PFKP: variants seen among roughly 807,000 people sequenced by gnomAD.
PFKP encodes the protein phosphofructokinase, platelet.
PFKP carries 101 observed loss-of-function variants against 94.3 expected under a neutral mutation model. The ratio of observed to expected loss-of-function variants is 1.07; its 90% CI spans 0.91 to 1.26. The LOEUF is 1.26. Ranked by LOEUF, PFKP falls within the 50% of genes most tolerant of loss-of-function variation. PFKP has a pLI of 0.00. For synonymous variants in PFKP, 573 were observed against 432.6 expected (o/e 1.32, Z -4.03); for missense variants, 1,145 against 1,103.3 (o/e 1.04, Z -0.53).
intron 15 of PFKP, 118 bp from the exon 16 acceptor site, chr10:3,119,774 G>A: frequency 2.0e-6 from 1 of 506,168 alleles, no homozygotes; most frequent in Non-Finnish European, 3.0e-6. Context: ...GTGTTTTCGT[G>A]ATGCCCCAGT....
Position 3,069,302 on chromosome 10 carries a change from A to G in PFKP, c.112+1595A>G, listed in dbSNP as rs1052024174. 24 of 1,533,082 alleles carry G rather than the reference A, an allele frequency of 1.6e-5. No individual in the cohort carries two copies. In the African/African-American group the frequency reaches 2.6e-4, roughly 17 times the overall value. The allele number at this position is 1,533,082 out of a possible 1,614,324, so 95.0% of individuals were successfully genotyped here. ...TGGGTTCTCAGAGAAAGAAAACGTG[A>G]TGCAGCAGAGGATGGGATTGAAGAA... On this transcript the variant is annotated intron_variant, in intron 1 of 21. Coordinates refer to ENST00000381125, the MANE Select transcript of PFKP (RefSeq NM_002627.5).
chr10:3,119,600 G>A (rs11251726), intron 15 of PFKP, among the ~76,000 whole-genome samples: 26,428 of 106,210 alleles, frequency 0.25, 2,417 homozygotes, highest in Admixed American at 0.31. Context: ...GCGAGACTCC[G>A]TCTCAAAAAA....
intron 2 of PFKP, among the ~76,000 whole-genome samples, chr10:3,091,895 C>T (rs1038583001): frequency 6.6e-6 from 1 of 152,160 alleles, no homozygotes; most frequent in Non-Finnish European, 1.5e-5. Flanking sequence ...TGTCATAGTC[C>T]ACACCCTAAA....
chr10:3,096,435 G>GGA (rs1834484927), intron 2 of PFKP, among the ~76,000 whole-genome samples: 1 of 152,184 alleles, frequency 6.6e-6, no homozygotes, highest in Admixed American at 6.5e-5. Flanking sequence ...TGGGAATGTA[G>GGA]GAACTGTCTG....
In PFKP at chr10:3,091,071, C is replaced by G. The variant is rs527302500; in HGVS notation, c.187-8204C>G. Reference sequence around the variant, plus strand: ...CATCGAGGGACCTCTGCTGTCTGGCCGCTGCTTGAGCTCCTATAAACCTGG... The same window carrying G: ...CATCGAGGGACCTCTGCTGTCTGGCGGCTGCTTGAGCTCCTATAAACCTGG... On this transcript the variant is annotated intron_variant, in intron 2 of 21. Coordinates refer to ENST00000381125, the MANE Select transcript of PFKP (RefSeq NM_002627.5). 1.7e-4 allele frequency among the ~76,000 whole-genome samples: 26 copies of G among 152,184 alleles called. No homozygotes were observed. The South Asian group carries it at 5.2e-3, about 30-fold the overall frequency.
At chr10:3,090,550 C>T (rs148089754) in intron 2 of PFKP, among the ~76,000 whole-genome samples, 4 of 152,258 alleles carry the variant, frequency 2.6e-5, no homozygotes, top group African/African-American at 9.6e-5. Context: ...ACTGAAGAGG[C>T]TCAGCCCCCT....
intron 15 of PFKP, among the ~76,000 whole-genome samples, chr10:3,119,108 C>T (rs2131635286): frequency 7.0e-6 from 1 of 142,854 alleles, no homozygotes; most frequent in Admixed American, 7.4e-5. Flanking sequence ...TTAACCCGGG[C>T]CTCATCTATT....
intron 16 of PFKP, among the ~76,000 whole-genome samples, chr10:3,121,789 A>ATTTCTT (rs796844840): frequency 0.011 from 704 of 61,760 alleles, 83 homozygotes; most frequent in Middle Eastern, 0.043. Context: ...AGGTTAAACA[A>ATTTCTT]TTTCTTTTTT....
At chr10:3,119,761 GGAGTGT>G in intron 15 of PFKP, 125 bp from the exon 16 acceptor site, 1 of 672,290 alleles carries the variant, frequency 1.5e-6, no homozygotes. Context: ...TGTTGATCTC[GGAGTGT>G]TTTCGTGATG....
chr10:3,076,556 AC>A (rs1832609338), intron 1 of PFKP, among the ~76,000 whole-genome samples: 1 of 147,500 alleles, frequency 6.8e-6, no homozygotes, highest in Non-Finnish European at 1.5e-5. Context: ...AACACCCCCC[AC>A]CCCGCTTGTT....
Position 3,132,417 on chromosome 10 carries a change from C to A in PFKP, c.1886C>A (p.Thr629Asn). 1.9e-6 allele frequency: 3 copies of A among 1,612,286 alleles called. No homozygotes were observed. The highest frequency in any genetic ancestry group is 1.3e-5 in the African/African-American group (1 of 75,012). Residue 629 changes from threonine (T) to asparagine (N), a missense_variant, in exon 18 of 22, where the codon ACC becomes AAC. Coordinates refer to ENST00000381125, the MANE Select transcript of PFKP (RefSeq NM_002627.5). Reference protein sequence around the residue: ...VEHLTEKMKTTIQRGLVLRNE... With the variant: ...VEHLTEKMKTNIQRGLVLRNE... ...CACCTGACGGAGAAAATGAAGACCA[C>A]CATCCAGAGAGGCCTTGTGCTCAGG...
chr10:3,093,017 T>C (rs1225195214), intron 2 of PFKP, among the ~76,000 whole-genome samples: 1 of 130,194 alleles, frequency 7.7e-6, no homozygotes. Context: ...GCTCCTGGGA[T>C]GTGTGGAAGG....
rs996752356 is a variant in PFKP at position 3,122,310 on chromosome 10, G to A, written c.1683+2266G>A. ...TCTAGTCTCGTGATGGGTGAGTGGC[G>A]CCGTCTGACCGAGGTCACCCTGGCG... is the stretch of plus-strand genomic sequence containing the variant. On this transcript the variant is annotated intron_variant, in intron 16 of 21. Transcript: ENST00000381125. Among the ~76,000 whole-genome samples the A allele has an allele frequency of 3.9e-5, 6 of 152,130 alleles. No homozygotes were observed. In the East Asian group the frequency reaches 7.7e-4, roughly 20 times the overall value.
chr10:3,081,666 C>G (rs888603200), intron 1 of PFKP, among the ~76,000 whole-genome samples: 1 of 152,168 alleles, frequency 6.6e-6, no homozygotes, highest in Non-Finnish European at 1.5e-5. Context: ...TTCAGCTCCC[C>G]CAAATCCAGC....
chr10:3,081,977 C>CTTTTTTTTTTTTTTTTT lies in PFKP; in HGVS notation c.113-395_113-379dup, dbSNP rs547880338. On this transcript the variant is annotated intron_variant, in intron 1 of 21. Coordinates refer to ENST00000381125, the MANE Select transcript of PFKP (RefSeq NM_002627.5). ...CTTGTTTTCTGTTGAAGCCCATTGC[C>CTTTTTTTTTTTTTTTTT]TTTTTTTTTTTTTTTTTTTTTTTTT... 1.0e-4 allele frequency among the ~76,000 whole-genome samples: 7 copies of CTTTTTTTTTTTTTTTTT among 68,440 alleles called. 1 individual carries two copies. The highest frequency in any genetic ancestry group is 1.9e-4 in the Admixed American group (1 of 5,212). 44.9% of individuals were successfully genotyped at this position (68,440 alleles called of 152,430 possible).
intron 1 of PFKP, 59 bp downstream of exon 1, chr10:3,067,766 G>GGAC (rs1487462522): frequency 5.6e-6 from 5 of 900,816 alleles, no homozygotes; most frequent in Non-Finnish European, 4.8e-6. Flanking sequence ...GGGGAGAACC[G>GGAC]GGCGAAGGCG....
At chr10:3,113,232 C>A (rs374357622) in intron 12 of PFKP, 44 bp downstream of exon 12, 70 of 1,576,104 alleles carry the variant, frequency 4.4e-5, no homozygotes, top group Non-Finnish European at 6.0e-5. Flanking sequence ...CTCCTGCGGG[C>A]CTCCCCTCAT....
intron 16 of PFKP, among the ~76,000 whole-genome samples, chr10:3,121,617 A>G (rs1837416352): frequency 1.3e-5 from 2 of 149,506 alleles, no homozygotes; most frequent in African/African-American, 4.9e-5. Context: ...TAAATATGTA[A>G]CAAATGCATA....
chr10:3,075,532 A>G (rs779175577), intron 1 of PFKP, among the ~76,000 whole-genome samples: 4 of 148,300 alleles, frequency 2.7e-5, no homozygotes, highest in Non-Finnish European at 4.5e-5. Flanking sequence ...TGAGGCTTGC[A>G]TGTGGGTGGC....
Sources: gnomAD v4.1 joint callset for allele counts (sites outside exome capture counted in the v4.1 genomes callset) on GRCh38, gnomAD v4.1.1 for gene constraint, MANE v1.5 for transcripts, NCBI Gene and HGNC (gene_info 2026-07-23, HGNC 2026-07-21) for gene names.